Variants in ABCG1 observed in about 807,000 individuals in gnomAD.
ABCG1 encodes ATP binding cassette subfamily G member 1.
ABCG1 carries 29 observed loss-of-function variants against 69.2 expected under a neutral mutation model. The observed-to-expected ratio is 0.42, with a 90% CI of 0.31 to 0.57. The LOEUF (loss-of-function observed/expected upper bound fraction) is 0.57, where lower values mean the gene tolerates loss of function less well. Ranked by LOEUF, ABCG1 falls within the 20% of genes least tolerant of loss-of-function variation. ABCG1 has a pLI of 0.15. For synonymous variants in ABCG1, 370 were observed against 374.8 expected, an observed-to-expected ratio of 0.99 and a Z score of 0.15; for missense variants, 718 against 898.1, an observed-to-expected ratio of 0.80 and a Z score of 2.56.
chr21:42,259,467 A>G, intron 2 of ABCG1: 1 of 1,548,898 alleles, frequency 6.5e-7, no homozygotes, highest in South Asian at 1.2e-5. Context: ...ACAGGGCTCA[A>G]GCATTGTCAT....
Position 42,284,632 on chromosome 21 carries a change from C to G in ABCG1, c.807C>G (p.Ile269Met). ...MKGLAQGGRS[I>M]ICTIHQPSAK... is the part of the protein sequence containing the mutation. ...GGCTCGCTCAAGGGGGTCGCTCCAT[C>G]ATTTGCACCATCCACCAGCCCAGCG... The change falls in exon 7 of 15, where the codon ATC becomes ATG. Residue 269 changes from isoleucine (I) to methionine (M), a missense_variant. Around this residue, in one of 2 missense-constraint regions of ABCG1, gnomAD observed 514 missense variants for 574.3 expected, o/e 0.90. Transcript: ENST00000398449. The G allele has an allele frequency of 6.2e-7, 1 of 1,614,004 alleles. No homozygotes were observed.
chr21:42,247,226 A>G (rs2068146547), intron 2 of ABCG1, among the ~76,000 whole-genome samples: 1 of 152,228 alleles, frequency 6.6e-6, no homozygotes, highest in African/African-American at 2.4e-5. Flanking sequence ...TGTTATAAGC[A>G]AAGTATTTTT....
chr21:42,289,931 T>A, intron 10 of ABCG1, 119 bp from the exon 11 acceptor site: 1 of 1,129,024 alleles, frequency 8.9e-7, no homozygotes, highest in South Asian at 1.4e-5. Context: ...CAGGATAAAG[T>A]CTAAGACGTG....
At position 42,288,823 on chromosome 21, in the gene ABCG1, A is replaced by C. The variant is rs547139462; in HGVS notation, c.1224+511A>C. ...AGAAATGCCTGAGCCTGGGGAATTT[A>C]TAAAGAAAAGAGGTTTAATTGGCTC... is the stretch of plus-strand genomic sequence containing the variant. On this transcript the variant is annotated intron_variant, in intron 10 of 14. Transcript: ENST00000398449. The surrounding 1 kb of genome is among the most constrained non-coding windows in gnomAD (Gnocchi z 4.8). Among the ~76,000 whole-genome samples the C allele has an allele frequency of 6.6e-6, 1 of 152,354 alleles. No individual in the cohort carries two copies. The highest frequency in any genetic ancestry group is 2.1e-4 in the South Asian group (1 of 4,824).
At chr21:42,225,562 A>G (rs536689641) in intron 1 of ABCG1, 109 bp from the exon 2 acceptor site, 2 of 1,375,050 alleles carry the variant, frequency 1.5e-6, no homozygotes, top group East Asian at 4.6e-5. Flanking sequence ...CAGTGGAAGA[A>G]GTGTTGCTAT....
At chr21:42,261,642 G>A (rs538601087) in intron 2 of ABCG1, among the ~76,000 whole-genome samples, 4 of 152,294 alleles carry the variant, frequency 2.6e-5, no homozygotes, top group Admixed American at 2.6e-4. Flanking sequence ...CTTGGAAGAG[G>A]AATGTCCTGC....
In ABCG1 at chr21:42,241,820, T is replaced by TA. The variant is rs35522463; in HGVS notation, c.286+15920dup. Among the ~76,000 whole-genome samples, 727 of 141,026 alleles carry TA rather than the reference T, an allele frequency of 5.2e-3. 2 individuals are homozygous for TA. Among genetic ancestry groups the TA allele is most frequent in the Middle Eastern group, 0.014 (4 of 282 alleles). The allele number at this position is 141,026 out of a possible 152,430, so 92.5% of individuals were successfully genotyped here. A position where few individuals can be genotyped will look rare whatever the true frequency, so the allele number is the denominator to read the frequency against. On this transcript the variant is annotated intron_variant, in intron 2 of 14. Coordinates refer to ENST00000398449, the MANE Select transcript of ABCG1 (RefSeq NM_016818.3). ...TGGGCATCAGAGACCCTATCTCTAT[T>TA]AAAAAAAAAAAAAAGCCAGGCATGG...
intron 6 of ABCG1, among the ~76,000 whole-genome samples, chr21:42,283,212 AG>A (rs550770840): frequency 6.6e-6 from 1 of 152,068 alleles, no homozygotes; most frequent in Non-Finnish European, 1.5e-5. Flanking sequence ...CAGCCTTCTG[AG>A]GGGGGGATGG....
intron 13 of ABCG1, among the ~76,000 whole-genome samples, chr21:42,293,750 A>G (rs576200404): frequency 2.0e-3 from 302 of 150,212 alleles, no homozygotes; most frequent in African/African-American, 7.3e-3. Flanking sequence ...TACACACACC[A>G]CACAGTACAT....
intron 13 of ABCG1, among the ~76,000 whole-genome samples, chr21:42,294,255 G>A (rs1346780936): frequency 6.6e-6 from 1 of 152,190 alleles, no homozygotes; most frequent in Non-Finnish European, 1.5e-5. Flanking sequence ...GTTGAGGAGG[G>A]TGTGTCCCCA....
chr21:42,267,277 T>C (rs1383129527), intron 2 of ABCG1, among the ~76,000 whole-genome samples: 1 of 152,134 alleles, frequency 6.6e-6, no homozygotes, highest in East Asian at 1.9e-4. Flanking sequence ...CTGGTCTGGT[T>C]TGGGTTCTGT....
At chr21:42,230,362 C>T (rs76661556) in intron 2 of ABCG1, among the ~76,000 whole-genome samples, 3,379 of 152,334 alleles carry the variant, frequency 0.022, 122 homozygotes, top group African/African-American at 0.077. Context: ...AGTAATTACT[C>T]TCCCTCAAGG....
chr21:42,212,342 G>A (rs188306210), upstream of ABCG1, among the ~76,000 whole-genome samples: 2 of 152,294 alleles, frequency 1.3e-5, no homozygotes, highest in African/African-American at 4.8e-5. Context: ...ACTGCCAAGA[G>A]TGGACATAAA....
In ABCG1 at chr21:42,201,305, C is replaced by T. The variant is rs575450582; in HGVS notation, c.-99-272C>T. Among the ~76,000 whole-genome samples the T allele has an allele frequency of 5.5e-4, 84 of 152,202 alleles. 1 individual carries two copies. Among genetic ancestry groups the T allele is most frequent in the African/African-American group, 2.0e-3 (82 of 41,512 alleles). Reference sequence around the variant, plus strand: ...GTTAGATTTAGATTCTCATTAGAAGCGTGCAACCTAGATCCCTTGAGTGCT... The same window carrying T: ...GTTAGATTTAGATTCTCATTAGAAGTGTGCAACCTAGATCCCTTGAGTGCT... On this transcript the variant is annotated intron_variant, in intron 1 of 15. Transcript: ENST00000398457.
chr21:42,290,278 G>C (rs1601455619), intron 11 of ABCG1, 60 bp downstream of exon 11: 1 of 1,560,758 alleles, frequency 6.4e-7, no homozygotes, highest in African/African-American at 1.4e-5. Context: ...AAGCATGGGG[G>C]CCTGAAGTCA....
At chr21:42,218,971 G>A (rs1013015783), upstream of ABCG1, 2 of 216,022 alleles carry the variant, frequency 9.3e-6, no homozygotes, top group Non-Finnish European at 1.8e-5. Context: ...GCCTCGGCTC[G>A]GGCCGCTCCC....
At position 42,289,736 on chromosome 21, in the gene ABCG1, G is replaced by A. The variant is rs993897891; in HGVS notation, c.1225-314G>A. ...GTTTTTACCTTTCCTCTCTTCTGAG[G>A]GTAGACTTCCTTTGTTCTCCATTTT... On this transcript the variant is annotated intron_variant, in intron 10 of 14. Coordinates refer to ENST00000398449, the MANE Select transcript of ABCG1 (RefSeq NM_016818.3). Among the ~76,000 whole-genome samples the A allele has an allele frequency of 2.0e-5, 3 of 152,266 alleles. No individual in the cohort carries two copies. In the South Asian group the frequency reaches 6.2e-4, roughly 32 times the overall value.
chr21:42,215,226 AG>A (rs1396918500), upstream of ABCG1, among the ~76,000 whole-genome samples: 1 of 152,196 alleles, frequency 6.6e-6, no homozygotes, highest in African/African-American at 2.4e-5. Context: ...ACCAGGGACA[AG>A]GGGTCACCCC....
rs375348980 is a variant in ABCG1 at position 42,287,856 on chromosome 21, G to C, written c.974-33G>C. ...GGGTGGTTGGGGTGTCCTTCCTGGA[G>C]CCCGGGCTGACCCCCGTCTGTGTCT... On this transcript the variant is annotated intron_variant, in intron 8 of 14. Transcript: ENST00000398449. This position sits in a 1 kb window ranked among gnomAD's most constrained non-coding sequence, Gnocchi z 6.2. 1.3e-6 allele frequency: 2 copies of C among 1,528,420 alleles called. No homozygotes were observed. Among genetic ancestry groups the C allele is most frequent in the Non-Finnish European group, 1.8e-6 (2 of 1,135,974 alleles). The allele number at this position is 1,528,420 out of a possible 1,614,324, so 94.7% of individuals were successfully genotyped here.
Sources: allele counts gnomAD v4.1 joint callset (sites outside exome capture counted in the v4.1 genomes callset), GRCh38; gene constraint gnomAD v4.1.1; regional missense constraint gnomAD v4.1.1; non-coding constraint Gnocchi (gnomAD v3.1); transcripts MANE v1.5; gene names NCBI Gene and HGNC (gene_info 2026-07-23, HGNC 2026-07-21).